Variants in MALRD1 observed in about 807,000 individuals in gnomAD.
MALRD1 encodes the protein MAM and LDL receptor class A domain containing 1.
Under a neutral mutation model 242.1 loss-of-function variants are expected in MALRD1, and 247 were observed. That is an observed-to-expected ratio of 1.02 (90% CI 0.92 to 1.13). The LOEUF (loss-of-function observed/expected upper bound fraction) is 1.13, where lower values mean the gene tolerates loss of function less well. MALRD1 is among the 50% of genes most tolerant of loss of function. MALRD1 has a pLI of 0.00. For synonymous variants in MALRD1, 995 were observed against 866.6 expected (o/e 1.15, Z -2.60); for missense variants, 2,989 against 2,533.1 (o/e 1.18, Z -3.86).
intron 28 of MALRD1, among the ~76,000 whole-genome samples, chr10:19,444,314 G>A (rs1834839145): frequency 6.6e-6 from 1 of 152,068 alleles, no homozygotes; most frequent in Non-Finnish European, 1.5e-5. Flanking sequence ...TTACATTTAA[G>A]GTTAATATTG....
chr10:19,729,527 A>G (rs887996119), intron 38 of MALRD1, among the ~76,000 whole-genome samples: 3 of 150,612 alleles, frequency 2.0e-5, no homozygotes, highest in Non-Finnish European at 4.4e-5. Context: ...GTGTGTGTAC[A>G]CATGCATGTA....
At chr10:19,510,368 T>G (rs1564401749) in intron 31 of MALRD1, among the ~76,000 whole-genome samples, 1 of 152,200 alleles carries the variant, frequency 6.6e-6, no homozygotes, top group Admixed American at 6.5e-5. Flanking sequence ...TGGGGGATGG[T>G]CAGGTCTTTC....
At chr10:19,241,481 G>T (rs957562322) in intron 18 of MALRD1, among the ~76,000 whole-genome samples, 12 of 151,742 alleles carry the variant, frequency 7.9e-5, no homozygotes, top group South Asian at 4.1e-4. Context: ...TTTAGCTAAA[G>T]GTTTGTCAGT....
chr10:19,208,719 G>A (rs1164873773), intron 17 of MALRD1, among the ~76,000 whole-genome samples: 2 of 152,136 alleles, frequency 1.3e-5, no homozygotes, highest in Non-Finnish European at 2.9e-5. Context: ...ATTTTACCGT[G>A]AGCCCCAGGT....
chr10:19,683,388 C>T (rs1842454263), intron 36 of MALRD1, among the ~76,000 whole-genome samples: 1 of 152,180 alleles, frequency 6.6e-6, no homozygotes, highest in African/African-American at 2.4e-5. Context: ...CTTGGCATAG[C>T]ACTTTACAGT....
At chr10:19,205,824 A>C (rs1328908690) in intron 17 of MALRD1, among the ~76,000 whole-genome samples, 1 of 152,078 alleles carries the variant, frequency 6.6e-6, no homozygotes, top group African/African-American at 2.4e-5. Flanking sequence ...CCTTTGTAGT[A>C]CATAGTAGTA....
At chr10:19,282,313 T>G (rs1481804450) in intron 20 of MALRD1, among the ~76,000 whole-genome samples, 1 of 152,160 alleles carries the variant, frequency 6.6e-6, no homozygotes, top group Admixed American at 6.6e-5. Context: ...ATACCCAAAT[T>G]TCTAAATGGT....
At chr10:19,730,482 A>G (rs1835243055) in intron 38 of MALRD1, 1 of 584,800 alleles carries the variant, frequency 1.7e-6, no homozygotes, top group Non-Finnish European at 3.1e-6. Flanking sequence ...GGATCTAAAC[A>G]CTCAGAGTTC....
intron 36 of MALRD1, among the ~76,000 whole-genome samples, chr10:19,657,506 AAG>A (rs1409322500): frequency 1.3e-5 from 2 of 152,188 alleles, no homozygotes; most frequent in Non-Finnish European, 2.9e-5. Flanking sequence ...AATGACTACA[AAG>A]ACAGTAAATT....
chr10:19,583,288 C>T (rs1425972901), intron 33 of MALRD1, among the ~76,000 whole-genome samples: 2 of 147,884 alleles, frequency 1.4e-5, no homozygotes, highest in Admixed American at 1.3e-4. Context: ...GAGAGGGCAT[C>T]CCTGTCTTGT....
At chr10:19,392,991 A>G (rs1846402339) in intron 28 of MALRD1, among the ~76,000 whole-genome samples, 1 of 152,168 alleles carries the variant, frequency 6.6e-6, no homozygotes, top group African/African-American at 2.4e-5. Context: ...GAGTGAGTCA[A>G]GAGAGGCTCA....
intron 28 of MALRD1, among the ~76,000 whole-genome samples, chr10:19,417,932 G>A (rs955718014): frequency 4.6e-5 from 7 of 151,950 alleles, no homozygotes; most frequent in African/African-American, 1.5e-4. Flanking sequence ...CTGAGTTAAT[G>A]AGTGCCTACG....
chr10:19,677,518 G>C (rs1419602871), intron 36 of MALRD1, among the ~76,000 whole-genome samples: 1 of 151,576 alleles, frequency 6.6e-6, no homozygotes, highest in Non-Finnish European at 1.5e-5. Context: ...GGGTTGTTTG[G>C]GGTTTATTTT....
At chr10:19,482,923 C>G (rs889923305) in intron 29 of MALRD1, among the ~76,000 whole-genome samples, 7 of 151,992 alleles carry the variant, frequency 4.6e-5, no homozygotes, top group Non-Finnish European at 7.4e-5. Context: ...TATCATTTTT[C>G]ACAAAATTAG....
chr10:19,360,426 C>G (rs1006126341), intron 26 of MALRD1, among the ~76,000 whole-genome samples: 2 of 152,020 alleles, frequency 1.3e-5, no homozygotes, highest in Non-Finnish European at 2.9e-5. Context: ...AGATATTTTC[C>G]TGGAAACCTG....
chr10:19,190,031 AT>A (rs1835904562), intron 14 of MALRD1, among the ~76,000 whole-genome samples: 1 of 152,158 alleles, frequency 6.6e-6, no homozygotes. Context: ...AGTCATACAA[AT>A]TGGAAACAAA....
At chr10:19,639,421 G>C (rs1455497703) in intron 36 of MALRD1, among the ~76,000 whole-genome samples, 4 of 152,144 alleles carry the variant, frequency 2.6e-5, no homozygotes, top group Non-Finnish European at 5.9e-5. Context: ...CCTACCACAC[G>C]TGGAGATGCC....
chr10:19,145,736 A>T (rs1176440305), intron 10 of MALRD1, among the ~76,000 whole-genome samples: 5 of 148,616 alleles, frequency 3.4e-5, no homozygotes, highest in Admixed American at 1.3e-4. Context: ...ATGGCTAGGT[A>T]TTTTTTTTTT....
Position 19,450,483 on chromosome 10 carries a change from C to T in MALRD1, c.5022C>T (p.Cys1674=). The change falls in exon 29 of 40, where the codon TGC becomes TGT. Residue 1674 remains cysteine, a synonymous_variant. Coordinates refer to ENST00000454679, the MANE Select transcript of MALRD1 (RefSeq NM_001142308.3). The part of the protein sequence containing the change: ...AAIDDIEFKN[C]TTVGEISELC... ...TTGATGATATTGAATTTAAAAACTGCACAACTGGTAAGTTTCCAGAAAGCA... is the reference window on the plus strand; with the variant it reads ...TTGATGATATTGAATTTAAAAACTGTACAACTGGTAAGTTTCCAGAAAGCA... 3.2e-6 allele frequency: 5 copies of T among 1,545,712 alleles called. No homozygotes were observed. Among genetic ancestry groups the T allele is most frequent in the Non-Finnish European group, 4.4e-6 (5 of 1,144,750 alleles).
Sources: allele counts gnomAD v4.1 joint callset (sites outside exome capture counted in the v4.1 genomes callset), GRCh38; gene constraint gnomAD v4.1.1; transcripts MANE v1.5; gene names NCBI Gene and HGNC (gene_info 2026-07-23, HGNC 2026-07-21).